Variants in RTL4 observed in about 807,000 individuals in gnomAD.
RTL4 encodes retrotransposon Gag like 4, also known as retrotransposon Gag-like protein 4.
In RTL4, 4 loss-of-function variants were observed where a neutral mutation model predicts 5.3. The observed-to-expected ratio is 0.75, with a 90% confidence interval of 0.37 to 1.72. The LOEUF (loss-of-function observed/expected upper bound fraction) is 1.72. RTL4 is among the 40% of genes most tolerant of loss of function. RTL4 has a pLI of 0.04. For missense variants in RTL4, 260 were observed against 227.1 expected (o/e 1.14, Z -0.93); for synonymous variants, 98 against 87.3 (o/e 1.12, Z -0.68).
the RTL4 span, among the ~76,000 whole-genome samples, chrX:112,351,721 T>C: frequency 9.0e-6 from 1 of 110,636 alleles, no homozygotes; most frequent in Non-Finnish European, 1.9e-5. Flanking sequence ...ATTTGCTTGG[T>C]AGATCTTCCT....
At chrX:112,151,732 C>T in the RTL4 span, among the ~76,000 whole-genome samples, 1 of 111,906 alleles carries the variant, frequency 8.9e-6, no homozygotes, top group Non-Finnish European at 1.9e-5. Flanking sequence ...TTTGTCCCCT[C>T]AGCATGGAAG....
the RTL4 span, among the ~76,000 whole-genome samples, chrX:112,290,023 A>C: frequency 9.0e-6 from 1 of 111,378 alleles, no homozygotes; most frequent in Non-Finnish European, 1.9e-5. Flanking sequence ...ACTGTGAACA[A>C]GGGTGGGACA....
chrX:112,302,193 G>A, the RTL4 span, among the ~76,000 whole-genome samples: 21 of 103,042 alleles, frequency 2.0e-4, no homozygotes, highest in South Asian at 1.3e-3. Flanking sequence ...CCCAGGAGGC[G>A]GAGCTTGCAG....
chrX:112,170,198 C>T, the RTL4 span, among the ~76,000 whole-genome samples: 1 of 112,149 alleles, frequency 8.9e-6, no homozygotes, highest in Non-Finnish European at 1.9e-5. Flanking sequence ...AGCATGATGT[C>T]TCCAGCTTTG....
chrX:112,326,464 C>T, the RTL4 span, among the ~76,000 whole-genome samples: 1 of 111,795 alleles, frequency 8.9e-6, no homozygotes, highest in Admixed American at 9.5e-5. Context: ...AAAAACGGCG[C>T]ACCAGGAGAT....
the RTL4 span, among the ~76,000 whole-genome samples, chrX:112,365,723 C>T: frequency 2.7e-5 from 3 of 111,440 alleles, no homozygotes; most frequent in Admixed American, 9.5e-5. Context: ...CTTTCACTCC[C>T]GTGCTCTTTC....
At chrX:112,342,974 G>A in the RTL4 span, among the ~76,000 whole-genome samples, 11 of 111,233 alleles carry the variant, frequency 9.9e-5, no homozygotes, top group East Asian at 2.9e-4. Flanking sequence ...GGTGGCGTGC[G>A]CCTGTAGTCC....
chrX:112,115,580 G>A, the RTL4 span, among the ~76,000 whole-genome samples: 2,645 of 111,514 alleles, frequency 0.024, 34 homozygotes, highest in Non-Finnish European at 0.035. Flanking sequence ...TTTGGGAATA[G>A]CCTTTGTTAA....
chrX:112,187,856 C>T, the RTL4 span, among the ~76,000 whole-genome samples: 961 of 111,534 alleles, frequency 8.6e-3, 12 homozygotes, highest in African/African-American at 0.03. Context: ...GGATTTGAAA[C>T]CATAGAAAAT....
chrX:112,152,355 C>A, the RTL4 span, among the ~76,000 whole-genome samples: 2 of 111,792 alleles, frequency 1.8e-5, no homozygotes, highest in African/African-American at 3.3e-5. Flanking sequence ...AAAAGCATTT[C>A]GGAAACTCAA....
chrX:112,348,223 G>A, the RTL4 span, among the ~76,000 whole-genome samples: 31 of 109,416 alleles, frequency 2.8e-4, no homozygotes, highest in African/African-American at 9.9e-4. Context: ...TAGACATGGC[G>A]TCACAATTAG....
chrX:112,219,924 C>T, the RTL4 span, among the ~76,000 whole-genome samples: 1 of 111,822 alleles, frequency 8.9e-6, no homozygotes, highest in Non-Finnish European at 1.9e-5. Flanking sequence ...TTTCTTTCTC[C>T]ACGCCTTGCT....
the RTL4 span, among the ~76,000 whole-genome samples, chrX:112,317,203 T>G: frequency 9.0e-6 from 1 of 111,255 alleles, no homozygotes; most frequent in Non-Finnish European, 1.9e-5. Context: ...TAACCGGGCA[T>G]GGTGGCGTGC....
the RTL4 span, among the ~76,000 whole-genome samples, chrX:112,216,574 C>A: frequency 5.4e-5 from 6 of 111,528 alleles, no homozygotes; most frequent in African/African-American, 2.0e-4. Flanking sequence ...ATAAAAACTA[C>A]TTTAAAATTC....
chrX:112,092,376 G>C, the RTL4 span, among the ~76,000 whole-genome samples: 6 of 111,725 alleles, frequency 5.4e-5, no homozygotes, highest in Non-Finnish European at 7.5e-5. Context: ...TGGGAAAGCT[G>C]TAAATCTATT....
At chrX:112,315,317 A>G in the RTL4 span, among the ~76,000 whole-genome samples, 2 of 111,357 alleles carry the variant, frequency 1.8e-5, no homozygotes, top group Admixed American at 1.9e-4. Flanking sequence ...AGCAAAGCCC[A>G]TGGTTACACT....
chrX:112,291,407 CACAT>C, the RTL4 span, among the ~76,000 whole-genome samples: 36 of 102,272 alleles, frequency 3.5e-4, no homozygotes, highest in Middle Eastern at 5.1e-3. Context: ...CACACACACA[CACAT>C]GCACACATTG....
the RTL4 span, among the ~76,000 whole-genome samples, chrX:112,272,254 G>C: frequency 8.9e-6 from 1 of 112,155 alleles, no homozygotes; most frequent in African/African-American, 3.2e-5. Flanking sequence ...CATATCATGG[G>C]TTAAATAGTT....
At chrX:112,221,342 A>C in the RTL4 span, among the ~76,000 whole-genome samples, 1 of 111,823 alleles carries the variant, frequency 8.9e-6, no homozygotes, top group Non-Finnish European at 1.9e-5. Flanking sequence ...GGGGATTACA[A>C]TTCAAGATGC....
Sources: allele counts gnomAD v4.1 joint callset (sites outside exome capture counted in the v4.1 genomes callset), GRCh38; gene constraint gnomAD v4.1.1; transcripts MANE v1.5; gene names NCBI Gene and HGNC (gene_info 2026-07-23, HGNC 2026-07-21).